The following ASPRV1 variants were observed in gnomAD, a reference collection of about 807,000 sequenced individuals.
The protein encoded by ASPRV1 is retroviral-like aspartic protease 1.
Under a neutral mutation model 11.0 loss-of-function variants are expected in ASPRV1, and 7 were observed. The observed-to-expected ratio is 0.64, with a 90% CI of 0.36 to 1.20. ASPRV1 has a LOEUF of 1.20. ASPRV1 is among the 50% of genes most tolerant of loss of function. The pLI is 0.02. For synonymous variants in ASPRV1, 136 were observed against 138.4 expected, an observed-to-expected ratio of 0.98 and a Z score of 0.12; for missense variants, 299 against 320.0, an observed-to-expected ratio of 0.93 and a Z score of 0.50.
At chr2:70,013,715 C>T in the ASPRV1 span, among the ~76,000 whole-genome samples, 1 of 152,082 alleles carries the variant, frequency 6.6e-6, no homozygotes, top group African/African-American at 2.4e-5. Context: ...TACGGTGAAA[C>T]CCCATCTCTA....
At chr2:69,938,066 T>A in the ASPRV1 span, 2 of 1,605,644 alleles carry the variant, frequency 1.2e-6, no homozygotes, top group Non-Finnish European at 1.7e-6. Context: ...AGCGCTTTCA[T>A]CAATGTCCTT....
At chr2:69,934,235 A>G in the ASPRV1 span, among the ~76,000 whole-genome samples, 1 of 152,212 alleles carries the variant, frequency 6.6e-6, no homozygotes, top group Non-Finnish European at 1.5e-5. Context: ...TGGTGCTTAG[A>G]AAATAGAGGA....
At chr2:69,983,765 T>C in the ASPRV1 span, among the ~76,000 whole-genome samples, 1 of 152,134 alleles carries the variant, frequency 6.6e-6, no homozygotes, top group African/African-American at 2.4e-5. Flanking sequence ...TCCAGCAACT[T>C]CTGCTTCCCT....
At chr2:69,935,283 C>G in the ASPRV1 span, 2 of 1,118,220 alleles carry the variant, frequency 1.8e-6, no homozygotes, top group Non-Finnish European at 2.7e-6. Context: ...TTTGAGAACT[C>G]ATTCTGCCTG....
the ASPRV1 span, among the ~76,000 whole-genome samples, chr2:70,044,095 TCTCA>T: frequency 3.3e-5 from 5 of 152,092 alleles, no homozygotes; most frequent in Non-Finnish European, 5.9e-5. Context: ...TCAGTCTGGT[TCTCA>T]GAAATCAATC....
At chr2:70,038,533 C>T in the ASPRV1 span, among the ~76,000 whole-genome samples, 10,372 of 152,106 alleles carry the variant, frequency 0.068, 1,230 homozygotes, top group African/African-American at 0.24. Context: ...TGAGCTATGA[C>T]CACATCATAG....
At chr2:70,035,293 C>CT in the ASPRV1 span, among the ~76,000 whole-genome samples, 1 of 152,132 alleles carries the variant, frequency 6.6e-6, no homozygotes, top group Non-Finnish European at 1.5e-5. Context: ...GTGATACCAG[C>CT]TTACCAGTTC....
the ASPRV1 span, chr2:70,069,191 T>A: frequency 6.6e-6 from 1 of 152,100 alleles, no homozygotes; most frequent in Non-Finnish European, 1.5e-5. Flanking sequence ...AGTCACACAC[T>A]AGACAGCTCT....
At chr2:70,048,735 A>G in the ASPRV1 span, 1 of 152,484 alleles carries the variant, frequency 6.6e-6, no homozygotes, top group Admixed American at 6.5e-5. Context: ...GGAAGCTACA[A>G]GTTTGAAATC....
chr2:70,000,002 G>C, the ASPRV1 span, among the ~76,000 whole-genome samples: 4 of 152,132 alleles, frequency 2.6e-5, no homozygotes, highest in African/African-American at 9.7e-5. Context: ...GCCTCATCCT[G>C]CCACATCTGC....
At chr2:70,040,782 C>A in the ASPRV1 span, among the ~76,000 whole-genome samples, 74 of 151,034 alleles carry the variant, frequency 4.9e-4, no homozygotes, top group African/African-American at 1.7e-3. Context: ...TTCAGTGAGC[C>A]GAGATCACAC....
chr2:70,073,482 G>T, the ASPRV1 span, among the ~76,000 whole-genome samples: 1 of 152,046 alleles, frequency 6.6e-6, no homozygotes, highest in Non-Finnish European at 1.5e-5. Flanking sequence ...TACCTATTTT[G>T]TAAGATTACT....
At chr2:70,021,864 A>T in the ASPRV1 span, among the ~76,000 whole-genome samples, 2 of 142,062 alleles carry the variant, frequency 1.4e-5, no homozygotes, top group Non-Finnish European at 3.1e-5. Context: ...CACCATACCC[A>T]GCTAATTTTT....
At chr2:70,029,947 TTCCCC>T in the ASPRV1 span, 1 of 152,174 alleles carries the variant, frequency 6.6e-6, no homozygotes. Context: ...CTCTCCACCC[TTCCCC>T]TCCCTTTGCT....
the ASPRV1 span, among the ~76,000 whole-genome samples, chr2:70,036,366 T>G: frequency 2.6e-5 from 4 of 151,840 alleles, no homozygotes; most frequent in Non-Finnish European, 4.4e-5. Context: ...AAAATGAAAT[T>G]AGAGAAACCA....
At chr2:70,061,394 CAAA>C in the ASPRV1 span, among the ~76,000 whole-genome samples, 1 of 77,946 alleles carries the variant, frequency 1.3e-5, no homozygotes. Context: ...GACTCTGTCT[CAAA>C]AAAAAAAAAA....
chr2:70,038,763 GGA>G, the ASPRV1 span, among the ~76,000 whole-genome samples: 1 of 152,132 alleles, frequency 6.6e-6, no homozygotes, highest in Non-Finnish European at 1.5e-5. Context: ...AGTTTGCAGA[GGA>G]GAGAAAGATA....
chr2:69,977,564 T>C, the ASPRV1 span, among the ~76,000 whole-genome samples: 2 of 152,170 alleles, frequency 1.3e-5, no homozygotes, highest in Non-Finnish European at 2.9e-5. Flanking sequence ...CGTGTCTCCA[T>C]CTGTAAAATG....
chr2:70,067,957 T>C, the ASPRV1 span, among the ~76,000 whole-genome samples: 1 of 152,204 alleles, frequency 6.6e-6, no homozygotes, highest in Non-Finnish European at 1.5e-5. Flanking sequence ...GATACTAAAT[T>C]CTCTCTGTCC....
Sources: gnomAD v4.1 joint callset for allele counts (sites outside exome capture counted in the v4.1 genomes callset) on GRCh38, gnomAD v4.1.1 for gene constraint, MANE v1.5 for transcripts, NCBI Gene and HGNC (gene_info 2026-07-23, HGNC 2026-07-21) for gene names.